The following NFASC variants were observed in gnomAD, a reference collection of about 807,000 sequenced individuals.
NFASC encodes the protein neurofascin homolog.
NFASC carries 43 observed loss-of-function variants against 147.5 expected under a neutral mutation model. The ratio of observed to expected loss-of-function variants is 0.29; its 90% CI spans 0.23 to 0.38. NFASC has a LOEUF of 0.38. NFASC is among the 10% of genes least tolerant of loss of function. The pLI, the probability that NFASC is intolerant of heterozygous loss-of-function variation, is 1.00. For missense variants in NFASC, 1,320 were observed against 1,689.0 expected (o/e 0.78, Z 3.83); for synonymous variants, 622 against 665.5 (o/e 0.93, Z 1.01).
intron 1 of NFASC, among the ~76,000 whole-genome samples, chr1:204,838,125 A>G (rs1674295283): frequency 6.6e-6 from 1 of 152,260 alleles, no homozygotes; most frequent in Non-Finnish European, 1.5e-5. Context: ...AGTGCTGTCC[A>G]ATAGAACTTT....
At chr1:205,002,398 G>A (rs1397682947) in intron 26 of NFASC, among the ~76,000 whole-genome samples, 198 bp from the exon 27 acceptor site, 3 of 152,206 alleles carry the variant, frequency 2.0e-5, no homozygotes, top group East Asian at 3.8e-4. Flanking sequence ...CTGAAGGGTC[G>A]TTTAAAAGCG....
chr1:204,963,987 C>G (rs182356553), intron 8 of NFASC, among the ~76,000 whole-genome samples: 1 of 152,322 alleles, frequency 6.6e-6, no homozygotes, highest in Admixed American at 6.5e-5. Flanking sequence ...CTGAACACTG[C>G]TAGGTGCCCC....
chr1:204,886,310 T>A (rs1004237971), intron 1 of NFASC, among the ~76,000 whole-genome samples: 11 of 152,152 alleles, frequency 7.2e-5, no homozygotes, highest in South Asian at 2.1e-4. Context: ...TTATGATTTT[T>A]AAAAAAAATT....
At chr1:204,951,819 C>T (rs2094144219) in intron 4 of NFASC, among the ~76,000 whole-genome samples, 192 bp from the exon 5 acceptor site, 1 of 152,062 alleles carries the variant, frequency 6.6e-6, no homozygotes, top group Non-Finnish European at 1.5e-5. Context: ...TCTTTGACAC[C>T]CACCTTCTTT....
chr1:204,840,183 T>C (rs1371057202), intron 1 of NFASC, among the ~76,000 whole-genome samples: 1 of 152,206 alleles, frequency 6.6e-6, no homozygotes, highest in Non-Finnish European at 1.5e-5. Context: ...TCCCAGGTAA[T>C]GCCAGTACTG....
Position 204,968,457 on chromosome 1 carries a change from C to G in NFASC, c.818+97C>G. 1 of 850,798 alleles carries G rather than the reference C, an allele frequency of 1.2e-6. No homozygotes were observed. Among genetic ancestry groups the G allele is most frequent in the Non-Finnish European group, 1.9e-6 (1 of 519,494 alleles). 52.7% of individuals were successfully genotyped at this position (850,798 alleles called of 1,614,324 possible). On this transcript the variant is annotated intron_variant, in intron 9 of 29. Transcript: ENST00000339876. This position sits in a 1 kb window ranked among gnomAD's most constrained non-coding sequence, Gnocchi z 5.4. ...TGTTAATGCCACATTTAGTGCATACCAGTAGCACAGCAAAAAGAGAAGCAA... is the reference window on the plus strand; with the variant it reads ...TGTTAATGCCACATTTAGTGCATACGAGTAGCACAGCAAAAAGAGAAGCAA...
intron 1 of NFASC, among the ~76,000 whole-genome samples, chr1:204,851,828 A>G (rs2075721824): frequency 6.6e-6 from 1 of 152,228 alleles, no homozygotes; most frequent in African/African-American, 2.4e-5. Context: ...AATAATCAAC[A>G]TTAACCAAAT....
intron 19 of NFASC, among the ~76,000 whole-genome samples, 199 bp from the exon 20 acceptor site, chr1:204,980,171 C>T (rs1281517663): frequency 2.0e-5 from 3 of 152,348 alleles, no homozygotes; most frequent in South Asian, 2.1e-4. Context: ...ATTAGCCCTG[C>T]TCTGGGAGTT....
intron 21 of NFASC, among the ~76,000 whole-genome samples, chr1:204,984,715 A>G (rs1001720693): frequency 1.3e-5 from 2 of 152,134 alleles, no homozygotes; most frequent in Admixed American, 6.5e-5. Flanking sequence ...TGGACTATCA[A>G]GGCTCTTGGC....
At chr1:204,849,494 TG>T (rs2075475420) in intron 1 of NFASC, among the ~76,000 whole-genome samples, 1 of 152,004 alleles carries the variant, frequency 6.6e-6, no homozygotes, top group Non-Finnish European at 1.5e-5. Context: ...AGGTATGGGG[TG>T]GGGGCCAAGA....
Position 204,987,544 on chromosome 1 carries a change from C to A in NFASC, c.2593+4C>A. On this transcript the variant is annotated splice_donor_region_variant and intron_variant, in intron 22 of 29. Transcript: ENST00000339876. The surrounding 1 kb of genome is among the most constrained non-coding windows in gnomAD (Gnocchi z 4.4). ...TACACTCTCAAATATGTGGCCTGTA[C>A]GTTCTGCCCTTCCCTTTCTCTTAGA... is the stretch of plus-strand genomic sequence containing the variant. 1 of 1,613,986 alleles carries A rather than the reference C, an allele frequency of 6.2e-7. No individual in the cohort carries two copies. Among genetic ancestry groups the A allele is most frequent in the African/African-American group, 1.3e-5 (1 of 75,024 alleles).
chr1:204,981,830 C>A lies in NFASC; in HGVS notation c.2280C>A (p.Asn760Lys). 6.3e-7 allele frequency: 1 copy of A among 1,583,336 alleles called. No homozygotes were observed. The stretch of plus-strand genomic sequence containing the variant: ...ATGCCACCTCGGCCTTTGGCCCCAA[C>A]CTGCGCTACATTGTCAAGTGGAGGC... ...PMNATSAFGP[N>K]LRYIVKWRRR... The change falls in exon 21 of 30, where the codon AAC (asparagine) becomes AAA (lysine). Residue 760 changes from asparagine to lysine, a missense_variant. Around this residue, in one of 3 missense-constraint regions of NFASC, gnomAD observed 981 missense variants for 1,289.5 expected, o/e 0.76. Transcript: ENST00000339876.
rs759188893 is a variant in NFASC at position 204,946,364 on chromosome 1, C to T, written c.91+1958C>T. The T allele has an allele frequency of 3.3e-5, 17 of 507,644 alleles. 1 individual carries two copies. Among genetic ancestry groups the T allele is most frequent in the South Asian group, 1.9e-4 (13 of 69,666 alleles). The allele number at this position is 507,644 out of a possible 1,614,324, so 31.4% of individuals were successfully genotyped here. A position where few individuals can be genotyped will look rare whatever the true frequency, so the allele number is the denominator to read the frequency against. ...AGCCTGCGGGTTAGAGACAAGGAAG[C>T]GACAGAGCCGGGATAGGACCACAGC... On this transcript the variant is annotated intron_variant, in intron 3 of 29. Coordinates refer to ENST00000339876, the MANE Select transcript of NFASC (RefSeq NM_001005388.3).
At chr1:204,898,258 C>G (rs1248834370) in intron 1 of NFASC, among the ~76,000 whole-genome samples, 1 of 152,122 alleles carries the variant, frequency 6.6e-6, no homozygotes, top group Non-Finnish European at 1.5e-5. Flanking sequence ...ATTTTGAATG[C>G]AGTTTTGTAT....
At chr1:204,973,653 C>CAGAT (rs927406661) in intron 12 of NFASC, among the ~76,000 whole-genome samples, 10 of 152,226 alleles carry the variant, frequency 6.6e-5, no homozygotes, top group Admixed American at 1.3e-4. Context: ...CCTCATTGTA[C>CAGAT]AGATGGAAGA....
chr1:204,922,843 G>A (rs1173589205), intron 2 of NFASC, among the ~76,000 whole-genome samples: 2 of 152,220 alleles, frequency 1.3e-5, no homozygotes, highest in Admixed American at 1.3e-4. Flanking sequence ...AGTTCTGAGA[G>A]AAGGGAAGCT....
chr1:204,867,967 A>G (rs2077255230), intron 1 of NFASC, among the ~76,000 whole-genome samples: 1 of 151,982 alleles, frequency 6.6e-6, no homozygotes, highest in African/African-American at 2.4e-5. Context: ...GTCACATCCT[A>G]CCTCCTACTC....
chr1:204,887,041 G>A (rs997890377), intron 1 of NFASC, among the ~76,000 whole-genome samples: 1 of 152,064 alleles, frequency 6.6e-6, no homozygotes, highest in African/African-American at 2.4e-5. Context: ...GTATGGTTCT[G>A]TGATATTAAG....
intron 24 of NFASC, among the ~76,000 whole-genome samples, chr1:204,994,867 C>T (rs984970349): frequency 1.3e-5 from 2 of 152,144 alleles, no homozygotes; most frequent in Non-Finnish European, 2.9e-5. Context: ...CAGGTGCACA[C>T]TTTGGGAGGC....
Sources: allele counts gnomAD v4.1 joint callset (sites outside exome capture counted in the v4.1 genomes callset), GRCh38; gene constraint gnomAD v4.1.1; regional missense constraint gnomAD v4.1.1; non-coding constraint Gnocchi (gnomAD v3.1); transcripts MANE v1.5; gene names NCBI Gene and HGNC (gene_info 2026-07-23, HGNC 2026-07-21).